Variants in DMXL1 observed in about 807,000 individuals in gnomAD.
DMXL1 encodes Dmx like 1.
A neutral mutation model predicts 319.2 loss-of-function variants in DMXL1; 99 were observed. The observed-to-expected ratio is 0.31, with a 90% CI of 0.26 to 0.37. DMXL1 has a LOEUF of 0.37. Ranked by LOEUF, DMXL1 falls within the 10% of genes least tolerant of loss-of-function variation. The pLI, the probability that DMXL1 is intolerant of heterozygous loss-of-function variation, is 1.00. For synonymous variants in DMXL1, 1,385 were observed against 1,235.2 expected (o/e 1.12, Z -2.54); for missense variants, 3,745 against 3,595.6 (o/e 1.04, Z -1.06).
At chr5:119,103,963 T>G (rs1451813035) in intron 3 of DMXL1, among the ~76,000 whole-genome samples, 2 of 152,202 alleles carry the variant, frequency 1.3e-5, no homozygotes, top group East Asian at 3.8e-4. Context: ...GCACTGACTT[T>G]GCAGAAAGGA....
At chr5:119,094,114 A>G (rs1317019453) in intron 1 of DMXL1, among the ~76,000 whole-genome samples, 1 of 152,244 alleles carries the variant, frequency 6.6e-6, no homozygotes, top group African/African-American at 2.4e-5. Flanking sequence ...TGGCTATGTG[A>G]AAGAACAGAT....
intron 34 of DMXL1, among the ~76,000 whole-genome samples, chr5:119,212,005 C>G (rs1455980591): frequency 2.0e-5 from 3 of 152,104 alleles, no homozygotes; most frequent in Non-Finnish European, 4.4e-5. Flanking sequence ...TCTGTGGAAC[C>G]CAAGCAATGT....
At position 119,170,301 on chromosome 5, in the gene DMXL1, A is replaced by T. The variant is rs564680072; in HGVS notation, c.5510A>T (p.His1837Leu). ...HFGSSDTFST[H>L]MSLTGKSGLA... Reference sequence around the variant, plus strand: ...GGATCATCTGATACATTTTCCACACATATGAGCCTAACAGGAAAAAGTGGA... The same window carrying T: ...GGATCATCTGATACATTTTCCACACTTATGAGCCTAACAGGAAAAAGTGGA... The change falls in exon 24 of 44, where the codon CAT becomes CTT. Residue 1837 changes from histidine (H) to leucine (L), a missense_variant. His to Leu is a moderately conservative substitution (Grantham distance 99). Coordinates refer to ENST00000539542, the MANE Select transcript of DMXL1 (RefSeq NM_001290321.3). 1 of 1,613,970 alleles carries T rather than the reference A, an allele frequency of 6.2e-7. No individual in the cohort carries two copies. Among genetic ancestry groups the T allele is most frequent in the East Asian group, 2.2e-5 (1 of 44,870 alleles).
Position 119,183,173 on chromosome 5 carries a change from C to T in DMXL1, c.7135+4929C>T, listed in dbSNP as rs117359789. Among the ~76,000 whole-genome samples the T allele has an allele frequency of 5.0e-3, 755 of 152,180 alleles. 12 individuals are homozygous for T. The highest frequency in any genetic ancestry group is 0.035 in the South Asian group (168 of 4,824). On this transcript the variant is annotated intron_variant, in intron 28 of 43. Transcript: ENST00000539542. ...CATAAAGTTTATTTCTGACTTATTA[C>T]GCTAAAACAGATCAGAAAATCCACT...
intron 4 of DMXL1, among the ~76,000 whole-genome samples, chr5:119,109,188 T>C (rs1190845243): frequency 1.3e-5 from 2 of 152,242 alleles, no homozygotes; most frequent in Non-Finnish European, 1.5e-5. Flanking sequence ...TGATGTTGTC[T>C]GTCTCTGGAG....
At chr5:119,116,524 A>G (rs1760882336) in intron 7 of DMXL1, among the ~76,000 whole-genome samples, 188 bp downstream of exon 7, 1 of 152,224 alleles carries the variant, frequency 6.6e-6, no homozygotes, top group Non-Finnish European at 1.5e-5. Flanking sequence ...GCTTAGGATA[A>G]GAGCCGTATT....
chr5:119,184,637 C>T (rs1267393259), intron 28 of DMXL1, among the ~76,000 whole-genome samples: 2 of 152,278 alleles, frequency 1.3e-5, no homozygotes, highest in East Asian at 1.9e-4. Context: ...ACCCATTAAA[C>T]AATTCCCCCA....
At chr5:119,145,737 GA>G (rs1216403540) in intron 15 of DMXL1, among the ~76,000 whole-genome samples, 6 of 151,626 alleles carry the variant, frequency 4.0e-5, no homozygotes, top group African/African-American at 1.4e-4. Flanking sequence ...TTAAGGCTAA[GA>G]TTTTTCTTAA....
chr5:119,086,227 T>C (rs1045150216), intron 1 of DMXL1, among the ~76,000 whole-genome samples: 5 of 152,118 alleles, frequency 3.3e-5, no homozygotes, highest in Non-Finnish European at 7.3e-5. Flanking sequence ...TTCACTACCG[T>C]GAAAACAGTA....
At chr5:119,154,247 T>C (rs1770500388) in intron 19 of DMXL1, among the ~76,000 whole-genome samples, 1 of 152,160 alleles carries the variant, frequency 6.6e-6, no homozygotes, top group Non-Finnish European at 1.5e-5. Flanking sequence ...AATCAAAAGC[T>C]AGAAAGGACT....
intron 31 of DMXL1, among the ~76,000 whole-genome samples, chr5:119,196,928 A>C (rs1029736023): frequency 6.6e-6 from 1 of 152,212 alleles, no homozygotes; most frequent in Non-Finnish European, 1.5e-5. Flanking sequence ...ACACTATCAT[A>C]ATGATGGACA....
intron 32 of DMXL1, among the ~76,000 whole-genome samples, chr5:119,202,889 A>ATATATATATATATATATT (rs1781040832): frequency 7.1e-6 from 1 of 141,438 alleles, no homozygotes; most frequent in African/African-American, 2.6e-5. Context: ...ATATTTTTAT[A>ATATATATATATATATATT]TATATATATA....
At chr5:119,216,774 A>G in intron 34 of DMXL1, 127 bp from the exon 35 acceptor site, 1 of 625,500 alleles carries the variant, frequency 1.6e-6, no homozygotes, top group Admixed American at 3.1e-5. Context: ...ATACAATAAT[A>G]CCTTTAGAAT....
chr5:119,188,695 A>T (rs760199206), intron 28 of DMXL1, among the ~76,000 whole-genome samples: 1 of 152,364 alleles, frequency 6.6e-6, no homozygotes, highest in Non-Finnish European at 1.5e-5. Context: ...AGTAATAATC[A>T]TGCCACTTTT....
chr5:119,167,509 C>G lies in DMXL1; in HGVS notation c.5137-94C>G, dbSNP rs1418222265. The G allele has an allele frequency of 1.3e-5, 13 of 1,015,014 alleles. 1 individual carries two copies. The highest frequency in any genetic ancestry group is 4.9e-5 in the African/African-American group (3 of 60,934). 62.9% of individuals were successfully genotyped at this position (1,015,014 alleles called of 1,614,324 possible). A position where few individuals can be genotyped will look rare whatever the true frequency, so the allele number is the denominator to read the frequency against. On this transcript the variant is annotated intron_variant, in intron 22 of 43. Coordinates refer to ENST00000539542, the MANE Select transcript of DMXL1 (RefSeq NM_001290321.3). ...TTTGCTAATTTTGGATATTTATAAG[C>G]CTTTATATTTTTCTAGTTATTAGTG... is the stretch of plus-strand genomic sequence containing the variant.
chr5:119,176,012 A>G (rs927906825), intron 26 of DMXL1, among the ~76,000 whole-genome samples: 6 of 151,826 alleles, frequency 4.0e-5, no homozygotes, highest in African/African-American at 1.4e-4. Flanking sequence ...ATGTTCTTTA[A>G]CTTTCCCCTC....
chr5:119,098,766 A>T (rs904122893), intron 2 of DMXL1, among the ~76,000 whole-genome samples: 1 of 152,218 alleles, frequency 6.6e-6, no homozygotes, highest in African/African-American at 2.4e-5. Context: ...TATAGCTTAA[A>T]ATAACTCCAT....
At chr5:119,238,965 A>G in intron 40 of DMXL1, 24 bp from the exon 41 acceptor site, 1 of 1,612,980 alleles carries the variant, frequency 6.2e-7, no homozygotes, top group Non-Finnish European at 8.5e-7. Context: ...GAGGAGTAAC[A>G]CGTATTGTTT....
At chr5:119,238,201 T>C (rs940449161) in intron 40 of DMXL1, among the ~76,000 whole-genome samples, 1 of 152,094 alleles carries the variant, frequency 6.6e-6, no homozygotes, top group African/African-American at 2.4e-5. Context: ...ATAACTGGCT[T>C]TTGGAGATTA....
Sources: gnomAD v4.1 joint callset for allele counts (sites outside exome capture counted in the v4.1 genomes callset) on GRCh38, gnomAD v4.1.1 for gene constraint, MANE v1.5 for transcripts, NCBI Gene and HGNC (gene_info 2026-07-23, HGNC 2026-07-21) for gene names.